The following PCDH15 variants were observed in gnomAD, a reference collection of about 807,000 sequenced individuals.
The protein encoded by PCDH15 is protocadherin-15.
A neutral mutation model predicts 178.5 loss-of-function variants in PCDH15; 129 were observed. The ratio of observed to expected loss-of-function variants is 0.72; its 90% confidence interval spans 0.63 to 0.84. The LOEUF (loss-of-function observed/expected upper bound fraction) is 0.84. PCDH15 is among the 40% of genes least tolerant of loss of function. PCDH15 has a pLI of 0.00. For synonymous variants in PCDH15, 800 were observed against 732.0 expected (o/e 1.09, Z -1.50); for missense variants, 2,230 against 2,099.9 (o/e 1.06, Z -1.21).
intron 3 of PCDH15, among the ~76,000 whole-genome samples, chr10:54,496,790 A>T (rs893536002): frequency 3.9e-5 from 6 of 152,176 alleles, no homozygotes; most frequent in African/African-American, 1.4e-4. Context: ...ACATATATTT[A>T]AAAATAGTAA....
chr10:54,136,525 T>C (rs560062216), intron 14 of PCDH15, among the ~76,000 whole-genome samples: 401 of 152,194 alleles, frequency 2.6e-3, no homozygotes, highest in Non-Finnish European at 5.0e-3. Context: ...TTTATAAAGG[T>C]TTTACAAGAA....
At chr10:55,001,388 G>T (rs1349709587) in intron 2 of PCDH15, among the ~76,000 whole-genome samples, 1 of 152,160 alleles carries the variant, frequency 6.6e-6, no homozygotes, top group East Asian at 1.9e-4. Context: ...ACACACACTT[G>T]CCACGTTGTG....
intron 2 of PCDH15, among the ~76,000 whole-genome samples, chr10:55,484,664 G>T (rs1424861325): frequency 6.6e-6 from 1 of 151,602 alleles, no homozygotes; most frequent in Non-Finnish European, 1.5e-5. Context: ...TAATAAACAA[G>T]ACAGCAAGTT....
At chr10:54,213,858 C>A in intron 10 of PCDH15, 78 bp downstream of exon 10, 6 of 916,642 alleles carry the variant, frequency 6.5e-6, no homozygotes, top group Non-Finnish European at 8.7e-6. Context: ...TAACATAAAA[C>A]TGCCTACAGT....
Position 53,886,723 on chromosome 10 carries a change from T to C in PCDH15, c.3501+16520A>G, listed in dbSNP as rs1164127859. ...TTCCTCAAAAGAGGTTGTTTCAGTA[T>C]CAACTGGTCTTGTTCTATTCAAATG... is the stretch of plus-strand genomic sequence containing the variant. On this transcript the variant is annotated intron_variant, in intron 26 of 37. Coordinates refer to ENST00000644397, the MANE Select transcript of PCDH15 (RefSeq NM_001384140.1). Among the ~76,000 whole-genome samples, 4 of 150,348 alleles carry C rather than the reference T, an allele frequency of 2.7e-5. No homozygotes were observed. The Admixed American group carries it at 2.7e-4, about 10-fold the overall frequency.
Position 53,831,504 on chromosome 10 carries a change from T to C in PCDH15, c.4013A>G (p.Asn1338Ser), listed in dbSNP as rs746368531. 3 of 1,614,130 alleles carry C rather than the reference T, an allele frequency of 1.9e-6. No individual in the cohort carries two copies. Among genetic ancestry groups the C allele is most frequent in the African/African-American group, 1.3e-5 (1 of 75,054 alleles). ...KFLDGKLLDI[N>S]KDFQPYYGEG... ...CCCATAATACGGCTGAAAGTCTTTA[T>C]TGATATCAAGTAGTTTGCCATCCAA... The change falls in exon 30 of 38, where the codon AAT becomes AGT. Residue 1338 changes from asparagine (N) to serine (S), a missense_variant. Physicochemically the swap from Asn to Ser is conservative, Grantham distance 46. Coordinates refer to ENST00000644397, the MANE Select transcript of PCDH15 (RefSeq NM_001384140.1).
At chr10:54,596,450 C>T (rs1485789397) in intron 2 of PCDH15, among the ~76,000 whole-genome samples, 1 of 152,120 alleles carries the variant, frequency 6.6e-6, no homozygotes, top group Non-Finnish European at 1.5e-5. Flanking sequence ...CTTACAAGAG[C>T]TTCTGGAAGC....
chr10:54,892,701 T>C (rs1032478421), intron 3 of PCDH15, among the ~76,000 whole-genome samples: 112 of 148,566 alleles, frequency 7.5e-4, no homozygotes, highest in African/African-American at 2.6e-3. Flanking sequence ...TTGAAAAAAA[T>C]AAATGAGAAT....
intron 1 of PCDH15, among the ~76,000 whole-genome samples, chr10:54,718,478 G>C (rs1334731195): frequency 6.6e-6 from 1 of 152,024 alleles, no homozygotes; most frequent in African/African-American, 2.4e-5. Flanking sequence ...AGACTCTTTA[G>C]CCCTGAAAGC....
chr10:54,576,925 A>C (rs771631925), intron 2 of PCDH15, among the ~76,000 whole-genome samples: 1 of 131,510 alleles, frequency 7.6e-6, no homozygotes, highest in Non-Finnish European at 1.6e-5. Context: ...AGGAGTACGC[A>C]ATCTGTTAAA....
intron 5 of PCDH15, among the ~76,000 whole-genome samples, chr10:54,355,361 G>C (rs989034208): frequency 6.6e-6 from 1 of 151,486 alleles, no homozygotes. Context: ...AATTTATTTT[G>C]GGCCCCTAAG....
At chr10:55,185,436 A>C (rs142022911) in intron 1 of PCDH15, among the ~76,000 whole-genome samples, 1 of 151,948 alleles carries the variant, frequency 6.6e-6, no homozygotes, top group East Asian at 1.9e-4. Context: ...CTTTATTAAA[A>C]GACTTTGATG....
chr10:55,086,829 T>C (rs1012124286), intron 2 of PCDH15, among the ~76,000 whole-genome samples: 7 of 152,062 alleles, frequency 4.6e-5, no homozygotes, highest in African/African-American at 1.7e-4. Context: ...GATGGTTGTA[T>C]TATTATTCAT....
chr10:54,116,237 C>CAAAAAAAAA (rs58948747), intron 15 of PCDH15, among the ~76,000 whole-genome samples: 1 of 124,754 alleles, frequency 8.0e-6, no homozygotes, highest in African/African-American at 2.9e-5. Flanking sequence ...ACTGAAAATG[C>CAAAAAAAAA]AAAAAAAAAA....
intron 33 of PCDH15, among the ~76,000 whole-genome samples, chr10:53,819,033 T>C (rs960812034): frequency 1.3e-5 from 2 of 152,066 alleles, no homozygotes; most frequent in African/African-American, 4.8e-5. Flanking sequence ...TTCTTTAAAA[T>C]GGTTCTGCAG....
chr10:54,751,415 T>G (rs1006108871), intron 1 of PCDH15, among the ~76,000 whole-genome samples: 4 of 152,170 alleles, frequency 2.6e-5, no homozygotes, highest in African/African-American at 9.6e-5. Flanking sequence ...TTATAAAATA[T>G]GCACAAACAG....
intron 2 of PCDH15, among the ~76,000 whole-genome samples, chr10:55,378,667 A>G (rs919612037): frequency 2.0e-5 from 3 of 152,134 alleles, no homozygotes; most frequent in Non-Finnish European, 2.9e-5. Context: ...TCCTCAATTC[A>G]ACAGTTTTAG....
intron 3 of PCDH15, among the ~76,000 whole-genome samples, chr10:54,447,833 T>G (rs189723493): frequency 6.6e-6 from 1 of 151,762 alleles, no homozygotes; most frequent in Non-Finnish European, 1.5e-5. Flanking sequence ...ATATTTCACA[T>G]GTATTTCTGT....
intron 13 of PCDH15, among the ~76,000 whole-genome samples, chr10:54,178,410 C>T (rs913624029): frequency 1.3e-5 from 2 of 151,974 alleles, no homozygotes; most frequent in Admixed American, 6.6e-5. Flanking sequence ...AGAATTATAT[C>T]TGGGAGTAGG....
Sources: allele counts gnomAD v4.1 joint callset (sites outside exome capture counted in the v4.1 genomes callset), GRCh38; gene constraint gnomAD v4.1.1; transcripts MANE v1.5; gene names NCBI Gene and HGNC (gene_info 2026-07-23, HGNC 2026-07-21).